The following ANKRD11 variants were observed in gnomAD, a reference collection of about 807,000 sequenced individuals.
ANKRD11 encodes the protein ankyrin repeat domain 11.
ANKRD11 carries 17 observed loss-of-function variants against 195.7 expected under a neutral mutation model. The observed-to-expected ratio is 0.09, with a 90% confidence interval of 0.06 to 0.13. ANKRD11 has a LOEUF of 0.13. Among genes scored for constraint, ANKRD11 ranks in the 10% least tolerant of loss-of-function variants. ANKRD11 has a pLI of 1.00. For synonymous variants in ANKRD11, 1,953 were observed against 1,528.1 expected (o/e 1.28, Z -6.49); for missense variants, 3,735 against 3,566.1 (o/e 1.05, Z -1.21).
Position 89,280,775 on chromosome 16 carries a change from T to C in ANKRD11, c.5767A>G (p.Ile1923Val). The C allele has an allele frequency of 2.5e-6, 4 of 1,611,718 alleles. No homozygotes were observed. The highest frequency in any genetic ancestry group is 3.4e-6 in the Non-Finnish European group (4 of 1,178,562). Residue 1923 changes from isoleucine to valine, a missense_variant, in exon 9 of 13, where the codon ATC (isoleucine) becomes GTC (valine). By Grantham distance (29) the Ile-to-Val change is conservative. Coordinates refer to ENST00000301030, the MANE Select transcript of ANKRD11 (RefSeq NM_013275.6). ...AGGTAGCTGGGCTCCGGGGGGATGA[T>C]GGCGGCCGTCGCCTGCTGGTCCTCG... ...TSEDQQATAA[I>V]IPPEPSYLEP... is the part of the protein sequence containing the mutation.
intron 11 of ANKRD11, chr16:89,273,057 A>AG (rs2042420656): frequency 6.6e-6 from 1 of 151,778 alleles, no homozygotes; most frequent in African/African-American, 2.4e-5. Flanking sequence ...AAAAAAAAAA[A>AG]AAAAAAAGAA....
intron 2 of ANKRD11, among the ~76,000 whole-genome samples, chr16:89,381,744 T>TAC (rs2040665838): frequency 6.6e-6 from 1 of 152,158 alleles, no homozygotes; most frequent in Non-Finnish European, 1.5e-5. Context: ...TGTCAGCATA[T>TAC]ACACCCCTCC....
chr16:89,324,375 C>T (rs764451703), intron 2 of ANKRD11: 5 of 772,136 alleles, frequency 6.5e-6, no homozygotes, highest in South Asian at 4.2e-5. Flanking sequence ...GAGGGCGGCA[C>T]GTGGGCGCAA....
chr16:89,356,156 T>A (rs1031839041), intron 2 of ANKRD11, among the ~76,000 whole-genome samples: 5 of 152,246 alleles, frequency 3.3e-5, no homozygotes, highest in African/African-American at 9.6e-5. Context: ...ACACAAGTAT[T>A]TTTTAATTCT....
rs779222653 is a variant in ANKRD11 at position 89,290,659 on chromosome 16, G to A, written c.567C>T (p.Ser189=). Residue 189 remains serine (S), a synonymous_variant, in exon 6 of 13, where the codon AGC becomes AGT. Transcript: ENST00000301030. ...CCTTGACGTTGACGTCTGCCCCCTC[G>A]CTGATGAGCTCTTTGATGCGCCGGG... The part of the protein sequence containing the change: ...GDARRIKELI[S]EGADVNVKDF... 1.5e-5 allele frequency: 25 copies of A among 1,613,652 alleles called. No individual in the cohort carries two copies. Among genetic ancestry groups the A allele is most frequent in the East Asian group, 8.9e-5 (4 of 44,874 alleles).
rs1159880298 is a variant in ANKRD11 at position 89,285,010 on chromosome 16, T to C, written c.1532A>G (p.Asp511Gly). Residue 511 changes from aspartate to glycine, a missense_variant, in exon 9 of 13, where the codon GAC becomes GGC. Coordinates refer to ENST00000301030, the MANE Select transcript of ANKRD11 (RefSeq NM_013275.6). This position sits in a 1 kb window ranked among gnomAD's most constrained non-coding sequence, Gnocchi z 5.6. ...CLKGSPLVLK[D>G]PSLFSSLSAS... ...AGAGAGGGAGCTGAACAGGGAGGGG[T>C]CCTTCAGCACCAGCGGGGACCCCTT... The C allele has an allele frequency of 1.9e-6, 3 of 1,613,122 alleles. No individual in the cohort carries two copies. Among genetic ancestry groups the C allele is most frequent in the African/African-American group, 2.7e-5 (2 of 74,608 alleles).
chr16:89,408,864 AC>A (rs2042009688), intron 2 of ANKRD11, among the ~76,000 whole-genome samples: 1 of 152,246 alleles, frequency 6.6e-6, no homozygotes, highest in Non-Finnish European at 1.5e-5. Flanking sequence ...AAAAAAGAGA[AC>A]ATAAGTGAAG....
Position 89,416,339 on chromosome 16 carries a change from G to A in ANKRD11, c.-60+1945C>T, listed in dbSNP as rs111242473. On this transcript the variant is annotated intron_variant, in intron 2 of 12. Transcript: ENST00000301030. ...CCCAGAGACAGAGTCTTGCTCTGTC[G>A]CCCAGGCTCAAGTGCGGTGTTGTGA... Among the ~76,000 whole-genome samples the A allele has an allele frequency of 8.8e-4, 133 of 151,538 alleles. 1 individual carries two copies. The highest frequency in any genetic ancestry group is 3.2e-3 in the African/African-American group (130 of 41,258).
intron 1 of ANKRD11, among the ~76,000 whole-genome samples, chr16:89,460,386 C>T (rs978137497): frequency 1.3e-5 from 2 of 151,886 alleles, no homozygotes; most frequent in African/African-American, 2.4e-5. Flanking sequence ...GGCAAAACCC[C>T]GTCTCCACTA....
chr16:89,463,592 T>C (rs1056126754), intron 1 of ANKRD11, among the ~76,000 whole-genome samples: 1 of 152,124 alleles, frequency 6.6e-6, no homozygotes, highest in African/African-American at 2.4e-5. Context: ...CTTGTTTATT[T>C]GCTGACCTTC....
intron 4 of ANKRD11, chr16:89,299,560 G>A (rs1264796369): frequency 2.1e-5 from 4 of 189,046 alleles, no homozygotes; most frequent in Admixed American, 1.5e-4. Flanking sequence ...TGTGTGAGCT[G>A]CCTGCCCCGT....
intron 1 of ANKRD11, among the ~76,000 whole-genome samples, chr16:89,462,171 A>ACC (rs1275624823): frequency 6.6e-6 from 1 of 150,530 alleles, no homozygotes; most frequent in Non-Finnish European, 1.5e-5. Context: ...GCTCACTGCA[A>ACC]CCCCCCTGCC....
At chr16:89,309,297 G>T (rs1052618338) in intron 3 of ANKRD11, among the ~76,000 whole-genome samples, 1 of 152,324 alleles carries the variant, frequency 6.6e-6, no homozygotes, top group East Asian at 1.9e-4. Flanking sequence ...ACACTGTGGA[G>T]CAACTGATGT....
intron 2 of ANKRD11, among the ~76,000 whole-genome samples, chr16:89,366,101 G>C (rs1265088832): frequency 7.4e-6 from 1 of 135,782 alleles, no homozygotes; most frequent in Non-Finnish European, 1.5e-5. Flanking sequence ...CTGCACTCTA[G>C]CCTGGGTGAC....
At chr16:89,295,802 A>G (rs1198461077) in intron 4 of ANKRD11, among the ~76,000 whole-genome samples, 1 of 83,000 alleles carries the variant, frequency 1.2e-5, no homozygotes, top group Non-Finnish European at 2.4e-5. Flanking sequence ...GACCTTCCCG[A>G]GGGGTGCTCT....
At chr16:89,413,993 C>A (rs1268947565) in intron 2 of ANKRD11, among the ~76,000 whole-genome samples, 1 of 152,128 alleles carries the variant, frequency 6.6e-6, no homozygotes, top group African/African-American at 2.4e-5. Flanking sequence ...TCGGCTCTGG[C>A]TGAGCTGACT....
rs752311335 is a variant in ANKRD11 at position 89,279,726 on chromosome 16, G to A, written c.6816C>T (p.Asp2272=). ...GTGCCACAGTGTTCGGGGCGGGGCC[G>A]TCAGGGGCACAGAGGGACGCGGCGG... ...GPPAASLCAP[D]GPAPNTVAQA... The change falls in exon 9 of 13, where the codon GAC becomes GAT. Residue 2272 remains aspartate, a synonymous_variant. Coordinates refer to ENST00000301030, the MANE Select transcript of ANKRD11 (RefSeq NM_013275.6). This position sits in a 1 kb window ranked among gnomAD's most constrained non-coding sequence, Gnocchi z 5.6. 2.2e-5 allele frequency: 34 copies of A among 1,537,544 alleles called. No homozygotes were observed. In the South Asian group the frequency reaches 2.6e-4, roughly 12 times the overall value.
chr16:89,377,606 CGAG>C (rs1296697186), intron 2 of ANKRD11, among the ~76,000 whole-genome samples: 2 of 152,020 alleles, frequency 1.3e-5, no homozygotes, highest in African/African-American at 2.4e-5. Flanking sequence ...CACCAGGTGA[CGAG>C]GAGGAGGTAG....
chr16:89,479,212 AGAAAAACATTAAT>A (rs1033208166), intron 1 of ANKRD11, among the ~76,000 whole-genome samples: 3 of 152,172 alleles, frequency 2.0e-5, no homozygotes, highest in African/African-American at 7.2e-5. Context: ...CAACATCACT[AGAAAAACATTAAT>A]GACGGCCAGA....
Sources: allele counts gnomAD v4.1 joint callset (sites outside exome capture counted in the v4.1 genomes callset), GRCh38; gene constraint gnomAD v4.1.1; non-coding constraint Gnocchi (gnomAD v3.1); transcripts MANE v1.5; gene names NCBI Gene and HGNC (gene_info 2026-07-23, HGNC 2026-07-21).